Variants in AGBL1 observed in about 807,000 individuals in gnomAD.
The protein encoded by AGBL1 is cytosolic carboxypeptidase 4.
Under a neutral mutation model 118.9 loss-of-function variants are expected in AGBL1, and 130 were observed. That is an observed-to-expected ratio of 1.09 (90% CI 0.95 to 1.26). AGBL1 has a LOEUF of 1.26. Ranked by LOEUF, AGBL1 falls within the 50% of genes most tolerant of loss-of-function variation. The pLI is 0.00. For synonymous variants in AGBL1, 555 were observed against 478.9 expected (o/e 1.16, Z -2.08); for missense variants, 1,584 against 1,298.1 (o/e 1.22, Z -3.38).
At chr15:86,285,055 A>G (rs558166628) in intron 16 of AGBL1, among the ~76,000 whole-genome samples, 1 of 152,128 alleles carries the variant, frequency 6.6e-6, no homozygotes, top group Non-Finnish European at 1.5e-5. Flanking sequence ...TTTCTCATCA[A>G]TGATCCCCAC....
intron 9 of AGBL1, among the ~76,000 whole-genome samples, chr15:86,261,802 C>A (rs776997581): frequency 1.3e-5 from 2 of 151,958 alleles, no homozygotes; most frequent in Non-Finnish European, 2.9e-5. Context: ...CAAGAATAAA[C>A]AATAAAGTGC....
At chr15:86,885,971 C>G (rs563201673) in intron 22 of AGBL1, among the ~76,000 whole-genome samples, 29 of 152,258 alleles carry the variant, frequency 1.9e-4, no homozygotes, top group African/African-American at 7.0e-4. Flanking sequence ...ACCTAAAGGC[C>G]TGATAGAAAC....
chr15:86,393,468 G>C (rs1237815926), intron 17 of AGBL1, among the ~76,000 whole-genome samples: 1 of 152,118 alleles, frequency 6.6e-6, no homozygotes, highest in Non-Finnish European at 1.5e-5. Context: ...AAATCACAAA[G>C]AGAGTGATGT....
At chr15:86,210,983 A>T (rs552799649) in intron 5 of AGBL1, among the ~76,000 whole-genome samples, 2 of 152,108 alleles carry the variant, frequency 1.3e-5, no homozygotes, top group African/African-American at 4.8e-5. Flanking sequence ...GATGCTGGTG[A>T]CCTACAGATA....
At chr15:86,750,669 A>G in intron 22 of AGBL1, among the ~76,000 whole-genome samples, 1 of 152,172 alleles carries the variant, frequency 6.6e-6, no homozygotes, top group South Asian at 2.1e-4. Flanking sequence ...CTTCAGGGGT[A>G]CAAGTGCAGG....
chr15:86,169,883 T>C (rs1287799236), intron 5 of AGBL1, among the ~76,000 whole-genome samples: 2 of 152,198 alleles, frequency 1.3e-5, no homozygotes, highest in East Asian at 3.8e-4. Flanking sequence ...CCTTGAATCA[T>C]AGAACTACTT....
chr15:86,082,844 A>C (rs918981814), intron 1 of AGBL1, among the ~76,000 whole-genome samples: 2 of 152,188 alleles, frequency 1.3e-5, no homozygotes, highest in Non-Finnish European at 2.9e-5. Flanking sequence ...GGTCTGGGTG[A>C]AGCAGGAGGC....
intron 24 of AGBL1, among the ~76,000 whole-genome samples, chr15:86,997,806 A>G (rs1318365095): frequency 6.6e-6 from 1 of 151,512 alleles, no homozygotes; most frequent in Non-Finnish European, 1.5e-5. Context: ...AAACACCTGA[A>G]CTGTGCATTC....
At chr15:86,779,515 A>T (rs1326524456) in intron 22 of AGBL1, among the ~76,000 whole-genome samples, 1 of 152,210 alleles carries the variant, frequency 6.6e-6, no homozygotes, top group African/African-American at 2.4e-5. Flanking sequence ...TGCTATGAAC[A>T]GTATTGTACC....
At chr15:86,556,325 G>C in intron 21 of AGBL1, 1 of 1,544,450 alleles carries the variant, frequency 6.5e-7, no homozygotes, top group Non-Finnish European at 8.9e-7. Flanking sequence ...TTTCCAAATG[G>C]CTTTTGCATT....
chr15:86,207,239 A>G (rs1334855389), intron 5 of AGBL1, among the ~76,000 whole-genome samples: 5 of 152,240 alleles, frequency 3.3e-5, no homozygotes, highest in Non-Finnish European at 5.9e-5. Context: ...GAAGTCAGGC[A>G]GCATGATGCC....
intron 18 of AGBL1, among the ~76,000 whole-genome samples, chr15:86,514,708 TTC>T (rs1361625408): frequency 6.6e-6 from 1 of 152,094 alleles, no homozygotes. Context: ...CAGTTACCCA[TTC>T]TCTGTTTGTT....
At chr15:86,190,065 A>G (rs917944755) in intron 5 of AGBL1, among the ~76,000 whole-genome samples, 2 of 152,238 alleles carry the variant, frequency 1.3e-5, no homozygotes, top group Non-Finnish European at 2.9e-5. Context: ...TAATTTTCCT[A>G]TGTCTCAAAG....
chr15:86,143,919 A>C, intron 3 of AGBL1, 74 bp downstream of exon 3: 2 of 1,539,626 alleles, frequency 1.3e-6, no homozygotes, highest in Middle Eastern at 1.8e-4. Context: ...CAATTTGGGA[A>C]GCTTTGGTGG....
chr15:86,559,564 G>A (rs953573986), intron 21 of AGBL1, among the ~76,000 whole-genome samples: 6 of 152,162 alleles, frequency 3.9e-5, no homozygotes, highest in Non-Finnish European at 7.4e-5. Context: ...CAATGTTAAG[G>A]TAGCAATAAT....
intron 18 of AGBL1, among the ~76,000 whole-genome samples, chr15:86,448,934 T>C (rs549551995): frequency 4.1e-4 from 63 of 152,272 alleles, no homozygotes; most frequent in South Asian, 2.7e-3. Flanking sequence ...TGGCAAGATA[T>C]TTGTATGGAG....
chr15:86,988,499 T>C (rs2081306552), intron 24 of AGBL1: 1 of 153,394 alleles, frequency 6.5e-6, no homozygotes, highest in South Asian at 2.1e-4. Context: ...GCAATGATAT[T>C]ACATTTTATA....
At chr15:86,984,429 A>G (rs2081261292) in intron 23 of AGBL1, among the ~76,000 whole-genome samples, 1 of 144,884 alleles carries the variant, frequency 6.9e-6, no homozygotes, top group Non-Finnish European at 1.5e-5. Context: ...CAGTGGCGTG[A>G]TCTCGGCTCA....
intron 18 of AGBL1, among the ~76,000 whole-genome samples, chr15:86,416,278 A>C (rs575418340): frequency 2.0e-5 from 3 of 152,312 alleles, no homozygotes; most frequent in African/African-American, 7.2e-5. Context: ...TTCCAATATA[A>C]TGTCAAGAGA....
Sources: allele counts gnomAD v4.1 joint callset (sites outside exome capture counted in the v4.1 genomes callset), GRCh38; gene constraint gnomAD v4.1.1; transcripts MANE v1.5; gene names NCBI Gene and HGNC (gene_info 2026-07-23, HGNC 2026-07-21).